DPP10: variants seen among roughly 807,000 people sequenced by gnomAD.
DPP10 encodes inactive dipeptidyl peptidase 10.
A neutral mutation model predicts 120.9 loss-of-function variants in DPP10; 33 were observed. The ratio of observed to expected loss-of-function variants is 0.27; its 90% CI spans 0.21 to 0.37. The LOEUF (loss-of-function observed/expected upper bound fraction) is 0.37. Ranked by LOEUF, DPP10 falls within the 10% of genes least tolerant of loss-of-function variation. DPP10 has a pLI of 1.00. For synonymous variants in DPP10, 337 were observed against 326.1 expected (o/e 1.03, Z -0.36); for missense variants, 816 against 942.8 (o/e 0.87, Z 1.76).
rs572335334 is a variant in DPP10, at chr2:115,406,515, G to T, written c.271+62603G>T. Among the ~76,000 whole-genome samples the T allele has an allele frequency of 3.3e-5, 5 of 152,238 alleles. No individual in the cohort carries two copies. The South Asian group carries it at 1.0e-3, about 32-fold the overall frequency. On this transcript the variant is annotated intron_variant, in intron 3 of 25. Transcript: ENST00000410059. ...GTAACTAACTTGTTTAAAAGAGAAAGATATGACTATGTGCTGTCTATAAGA... is the reference window on the plus strand; with the variant it reads ...GTAACTAACTTGTTTAAAAGAGAAATATATGACTATGTGCTGTCTATAAGA...
chr2:115,748,089 G>A (rs1678229257), intron 10 of DPP10, among the ~76,000 whole-genome samples: 1 of 151,890 alleles, frequency 6.6e-6, no homozygotes, highest in African/African-American at 2.4e-5. Context: ...GTCCTATTAA[G>A]TTAATCAAAT....
chr2:114,828,496 A>G (rs1235015989), intron 1 of DPP10: 1 of 152,230 alleles, frequency 6.6e-6, no homozygotes, highest in Non-Finnish European at 1.5e-5. Context: ...TGGTAGAACT[A>G]CAAAGATGAA....
At chr2:114,940,918 C>T (rs1558902026) in intron 1 of DPP10, among the ~76,000 whole-genome samples, 1 of 152,154 alleles carries the variant, frequency 6.6e-6, no homozygotes, top group Non-Finnish European at 1.5e-5. Flanking sequence ...TCACTAATTA[C>T]ATTCCCTAGA....
intron 1 of DPP10, among the ~76,000 whole-genome samples, chr2:114,804,122 G>A (rs894954115): frequency 3.3e-5 from 5 of 152,226 alleles, no homozygotes; most frequent in African/African-American, 1.2e-4. Context: ...AGGGGCTGTG[G>A]CTTCAGAGGG....
chr2:115,038,419 C>T (rs1447983638), intron 1 of DPP10, among the ~76,000 whole-genome samples: 4 of 151,840 alleles, frequency 2.6e-5, no homozygotes, highest in Admixed American at 6.6e-5. Context: ...TACAGGCGCC[C>T]GCCACCACGC....
intron 1 of DPP10, among the ~76,000 whole-genome samples, chr2:114,701,263 T>A (rs1367320319): frequency 6.6e-6 from 1 of 152,102 alleles, no homozygotes; most frequent in African/African-American, 2.4e-5. Flanking sequence ...TTCCATTTGA[T>A]CTTTACAAAA....
intron 5 of DPP10, among the ~76,000 whole-genome samples, chr2:115,544,794 C>T (rs375422551): frequency 6.6e-6 from 1 of 151,960 alleles, no homozygotes; most frequent in Non-Finnish European, 1.5e-5. Context: ...CTGTTCCTCA[C>T]TGCTGCTGGT....
chr2:114,886,761 GTGCAATGCCTATTC>G (rs1268896525), intron 1 of DPP10, among the ~76,000 whole-genome samples: 5 of 152,012 alleles, frequency 3.3e-5, no homozygotes, highest in Non-Finnish European at 5.9e-5. Context: ...CTTCTTTCTT[GTGCAATGCCTATTC>G]TGCAGTCATG....
rs183980595 is a variant in DPP10 at position 115,585,949 on chromosome 2, A to G, written c.441+59977A>G. Among the ~76,000 whole-genome samples, 8 of 152,296 alleles carry G rather than the reference A, an allele frequency of 5.3e-5. No homozygotes were observed. The East Asian group carries it at 1.4e-3, about 26-fold the overall frequency. Reference sequence around the variant, plus strand: ...TTTCTTACAATCACATAATAATCCAATGTGAGGATATAATATAGTTTATGT... The same window carrying G: ...TTTCTTACAATCACATAATAATCCAGTGTGAGGATATAATATAGTTTATGT... On this transcript the variant is annotated intron_variant, in intron 5 of 25. Transcript: ENST00000410059.
chr2:115,424,495 A>C (rs193225966), intron 3 of DPP10, among the ~76,000 whole-genome samples: 2 of 152,130 alleles, frequency 1.3e-5, no homozygotes, highest in African/African-American at 4.8e-5. Context: ...AAAAAAAAAG[A>C]AGTCAAATTT....
At chr2:115,726,071 A>G (rs1431416446) in intron 7 of DPP10, among the ~76,000 whole-genome samples, 1 of 152,132 alleles carries the variant, frequency 6.6e-6, no homozygotes, top group Non-Finnish European at 1.5e-5. Context: ...GTCTCACCTG[A>G]GAACTTTCTA....
At chr2:115,473,047 A>G (rs1241211184) in intron 3 of DPP10, among the ~76,000 whole-genome samples, 2 of 152,336 alleles carry the variant, frequency 1.3e-5, no homozygotes, top group Non-Finnish European at 1.5e-5. Context: ...TACTAAAACC[A>G]CATGGCAATA....
chr2:115,409,915 G>A (rs2068813534), intron 3 of DPP10, among the ~76,000 whole-genome samples: 1 of 152,216 alleles, frequency 6.6e-6, no homozygotes, highest in Non-Finnish European at 1.5e-5. Context: ...CTCGGGATTG[G>A]AAAACTCAAC....
At chr2:115,651,351 A>T (rs976716872) in intron 5 of DPP10, among the ~76,000 whole-genome samples, 7 of 152,082 alleles carry the variant, frequency 4.6e-5, no homozygotes, top group Non-Finnish European at 8.8e-5. Flanking sequence ...TAGGTGTCAC[A>T]TTATAAGCTT....
intron 1 of DPP10, among the ~76,000 whole-genome samples, chr2:114,599,430 T>C (rs1692188118): frequency 6.6e-6 from 1 of 151,878 alleles, no homozygotes; most frequent in Non-Finnish European, 1.5e-5. Context: ...TTTATTTCTA[T>C]AACCATAGAT....
chr2:114,851,977 T>A lies in DPP10; in HGVS notation c.60+409139T>A, dbSNP rs185441175. 1.8e-3 allele frequency among the ~76,000 whole-genome samples: 278 copies of A among 152,134 alleles called. 3 individuals are homozygous for A. The highest frequency in any genetic ancestry group is 6.6e-3 in the Admixed American group (101 of 15,256). On this transcript the variant is annotated intron_variant, in intron 1 of 25. Coordinates refer to ENST00000410059, the MANE Select transcript of DPP10 (RefSeq NM_020868.6). ...TTCCTTTCATAAACACTGCAAAGGC[T>A]GTTGAGGCCTATAGGGTAAAAATAT...
chr2:114,734,561 C>CA (rs201873755), intron 1 of DPP10, among the ~76,000 whole-genome samples: 1,881 of 152,236 alleles, frequency 0.012, 15 homozygotes, highest in Middle Eastern at 0.034. Flanking sequence ...TATATAAAAC[C>CA]AAACTGTGCT....
intron 1 of DPP10, among the ~76,000 whole-genome samples, chr2:114,517,438 T>A (rs923755900): frequency 4.6e-5 from 7 of 151,418 alleles, no homozygotes; most frequent in Non-Finnish European, 1.0e-4. Context: ...GAGAATTGCT[T>A]GAACCTGGGA....
intron 5 of DPP10, among the ~76,000 whole-genome samples, chr2:115,574,787 T>TTAGA (rs1383144373): frequency 3.9e-5 from 6 of 152,204 alleles, no homozygotes; most frequent in Non-Finnish European, 8.8e-5. Context: ...TTGCAGTTCC[T>TTAGA]TAGATGTACG....
Sources: gnomAD v4.1 joint callset for allele counts (sites outside exome capture counted in the v4.1 genomes callset) on GRCh38, gnomAD v4.1.1 for gene constraint, MANE v1.5 for transcripts, NCBI Gene and HGNC (gene_info 2026-07-23, HGNC 2026-07-21) for gene names.